PALLD: variants seen among roughly 807,000 people sequenced by gnomAD.
PALLD encodes the protein palladin.
Under a neutral mutation model 123.5 loss-of-function variants are expected in PALLD, and 61 were observed. The ratio of observed to expected loss-of-function variants is 0.49; its 90% confidence interval spans 0.40 to 0.61. PALLD has a LOEUF of 0.61. Among genes scored for constraint, PALLD ranks in the 20% least tolerant of loss-of-function variants. The pLI, the probability that PALLD is intolerant of heterozygous loss-of-function variation, is 0.00. For missense variants in PALLD, 1,273 were observed against 1,377.0 expected, an observed-to-expected ratio of 0.92 and a Z score of 1.20; for synonymous variants, 465 against 496.4, an observed-to-expected ratio of 0.94 and a Z score of 0.84.
chr4:168,916,162 C>T, intron 17 of PALLD, 135 bp downstream of exon 17: 2 of 895,520 alleles, frequency 2.2e-6, no homozygotes, highest in South Asian at 1.3e-5. Context: ...CCTATAATCC[C>T]AGCACTTTAG....
chr4:168,628,595 C>A (rs1775523378), intron 2 of PALLD, among the ~76,000 whole-genome samples: 1 of 152,182 alleles, frequency 6.6e-6, no homozygotes, highest in Non-Finnish European at 1.5e-5. Flanking sequence ...AGCTCACTGA[C>A]TCCCTTACCA....
At chr4:168,817,446 A>T (rs575364793) in intron 10 of PALLD, among the ~76,000 whole-genome samples, 1 of 152,308 alleles carries the variant, frequency 6.6e-6, no homozygotes, top group East Asian at 1.9e-4. Flanking sequence ...AAGCCAGTTA[A>T]ATGTCCATTA....
intron 9 of PALLD, among the ~76,000 whole-genome samples, chr4:168,709,978 C>T (rs937008551): frequency 3.3e-5 from 5 of 152,140 alleles, no homozygotes; most frequent in Admixed American, 2.0e-4. Context: ...AGTGCCAACA[C>T]ATGAGATCTG....
chr4:168,840,943 C>T (rs955300487), intron 10 of PALLD, among the ~76,000 whole-genome samples: 2 of 152,010 alleles, frequency 1.3e-5, no homozygotes, highest in Non-Finnish European at 2.9e-5. Flanking sequence ...CTCTGCCTCC[C>T]AGGGTCAAGC....
At chr4:168,538,294 T>C (rs1337642399) in intron 2 of PALLD, among the ~76,000 whole-genome samples, 3 of 152,122 alleles carry the variant, frequency 2.0e-5, no homozygotes, top group South Asian at 2.1e-4. Context: ...TTTTTCTATC[T>C]GGAATCTAAT....
At chr4:168,703,015 G>A (rs1166807617) in intron 8 of PALLD, among the ~76,000 whole-genome samples, 62 of 138,834 alleles carry the variant, frequency 4.5e-4, no homozygotes, top group Admixed American at 3.9e-3. Context: ...CCACTAACTC[G>A]TCATCTAGCA....
intron 18 of PALLD, 94 bp from the exon 19 acceptor site, chr4:168,924,161 G>C: frequency 1.8e-6 from 2 of 1,084,984 alleles, no homozygotes; most frequent in Non-Finnish European, 1.4e-6. Flanking sequence ...TATCATAAAA[G>C]ATCTATTCAA....
chr4:168,920,202 A>G (rs1383038565), intron 17 of PALLD, among the ~76,000 whole-genome samples: 1 of 152,208 alleles, frequency 6.6e-6, no homozygotes, highest in Non-Finnish European at 1.5e-5. Flanking sequence ...GGGGACAGCA[A>G]GTGGATAGAT....
chr4:168,524,956 T>C (rs1297916956), intron 2 of PALLD, among the ~76,000 whole-genome samples: 1 of 152,192 alleles, frequency 6.6e-6, no homozygotes, highest in Non-Finnish European at 1.5e-5. Context: ...CAAAGCCATT[T>C]TGCTGGGTTT....
chr4:168,769,412 A>G (rs1734107857), intron 10 of PALLD, among the ~76,000 whole-genome samples: 1 of 152,174 alleles, frequency 6.6e-6, no homozygotes, highest in South Asian at 2.1e-4. Context: ...CAAAGCTTGA[A>G]AGGTTGAGAT....
At chr4:168,552,549 T>G (rs1286255301) in intron 2 of PALLD, among the ~76,000 whole-genome samples, 7 of 152,204 alleles carry the variant, frequency 4.6e-5, no homozygotes, top group Non-Finnish European at 1.0e-4. Flanking sequence ...TCCTACCCAG[T>G]ACAAAGCCAT....
chr4:168,861,509 A>G (rs910614956), intron 10 of PALLD, among the ~76,000 whole-genome samples: 1 of 152,082 alleles, frequency 6.6e-6, no homozygotes, highest in African/African-American at 2.4e-5. Context: ...AATTTTGATG[A>G]AGTCCCAGTT....
At chr4:168,925,898 AG>A (rs1388233956) in intron 21 of PALLD, among the ~76,000 whole-genome samples, 1 of 151,862 alleles carries the variant, frequency 6.6e-6, no homozygotes, top group Non-Finnish European at 1.5e-5. Flanking sequence ...TTAAAAGGAG[AG>A]GGGGGATGAG....
intron 2 of PALLD, among the ~76,000 whole-genome samples, chr4:168,581,630 C>T (rs1448706991): frequency 6.6e-6 from 1 of 151,956 alleles, no homozygotes; most frequent in Non-Finnish European, 1.5e-5. Flanking sequence ...GTAAACTCAA[C>T]TGAATTAAGT....
chr4:168,682,189 A>G (rs1781614053), intron 4 of PALLD, among the ~76,000 whole-genome samples: 1 of 152,198 alleles, frequency 6.6e-6, no homozygotes, highest in Non-Finnish European at 1.5e-5. Flanking sequence ...TATCTTAATT[A>G]TTTGGCAAAA....
At chr4:168,870,190 A>C (rs1581838654) in intron 10 of PALLD, among the ~76,000 whole-genome samples, 1 of 152,222 alleles carries the variant, frequency 6.6e-6, no homozygotes, top group African/African-American at 2.4e-5. Context: ...GCCACTTACC[A>C]CTGAAATAGT....
At chr4:168,835,590 T>A (rs1561579614) in intron 10 of PALLD, among the ~76,000 whole-genome samples, 1 of 150,168 alleles carries the variant, frequency 6.7e-6, no homozygotes, top group South Asian at 2.1e-4. Flanking sequence ...ATTGCACGAA[T>A]TTAAGGGATT....
intron 10 of PALLD, among the ~76,000 whole-genome samples, chr4:168,805,170 G>A (rs891868213): frequency 8.6e-5 from 13 of 151,394 alleles, no homozygotes; most frequent in African/African-American, 2.9e-4. Flanking sequence ...AAAAAAAAGA[G>A]TTCCCAAAGT....
rs554308292 is a variant in PALLD, at chr4:168,609,424, G to A, written c.909-58766G>A. Among the ~76,000 whole-genome samples, 20 of 145,164 alleles carry A rather than the reference G, an allele frequency of 1.4e-4. No homozygotes were observed. The East Asian group carries it at 4.2e-3, about 31-fold the overall frequency. ...CTGTTGTGATCCCTCCAGGACATCT[G>A]TACATTGTCCTTCAGAAATGTCCAA... On this transcript the variant is annotated intron_variant, in intron 2 of 21. Transcript: ENST00000505667.
Sources: gnomAD v4.1 joint callset for allele counts (sites outside exome capture counted in the v4.1 genomes callset) on GRCh38, gnomAD v4.1.1 for gene constraint, MANE v1.5 for transcripts, NCBI Gene and HGNC (gene_info 2026-07-23, HGNC 2026-07-21) for gene names.